The following AGO4 variants were observed in gnomAD, a reference collection of about 807,000 sequenced individuals.
The protein encoded by AGO4 is argonaute RISC component 4, also known as protein argonaute-4.
A neutral mutation model predicts 104.7 loss-of-function variants in AGO4; 33 were observed. That is an observed-to-expected ratio of 0.32 (90% CI 0.24 to 0.42). The LOEUF is 0.42. Ranked by LOEUF, AGO4 falls within the 10% of genes least tolerant of loss-of-function variation. AGO4 has a pLI of 1.00. For missense variants in AGO4, 711 were observed against 1,083.4 expected (o/e 0.66, Z 4.83); for synonymous variants, 331 against 364.7 (o/e 0.91, Z 1.05).
At position 35,853,670 on chromosome 1, in the gene AGO4, T is replaced by A; in HGVS notation, c.*65T>A. The A allele has an allele frequency of 7.1e-7, 1 of 1,409,916 alleles. No individual in the cohort carries two copies. The highest frequency in any genetic ancestry group is 1.0e-6 in the Non-Finnish European group (1 of 1,003,478). The allele number at this position is 1,409,916 out of a possible 1,614,324, so 87.3% of individuals were successfully genotyped here. On this transcript the variant is annotated 3_prime_UTR_variant, in exon 18 of 18. Coordinates refer to ENST00000373210, the MANE Select transcript of AGO4 (RefSeq NM_017629.4). Reference sequence around the variant, plus strand: ...GCAGCCTCAAAATGTTTCAAATGCCTACCGCCTCTAGATCGAGCCACGTTG... The same window carrying A: ...GCAGCCTCAAAATGTTTCAAATGCCAACCGCCTCTAGATCGAGCCACGTTG...
At chr1:35,807,742 A>T (rs1400066251), upstream of AGO4, among the ~76,000 whole-genome samples, 1 of 152,142 alleles carries the variant, frequency 6.6e-6, no homozygotes, top group Non-Finnish European at 1.5e-5. Context: ...AAAAGACGAG[A>T]TGACAGAAGC....
Position 35,841,962 on chromosome 1 carries a change from G to A in AGO4, c.2175+212G>A, listed in dbSNP as rs566743214. Among the ~76,000 whole-genome samples the A allele has an allele frequency of 2.6e-5, 4 of 151,874 alleles. No individual in the cohort carries two copies. In the East Asian group the frequency reaches 5.8e-4, roughly 22 times the overall value. On this transcript the variant is annotated intron_variant, in intron 15 of 17. Transcript: ENST00000373210. This position sits in a 1 kb window ranked among gnomAD's most constrained non-coding sequence, Gnocchi z 4.7. ...TGAGACTGAATATTTTATTTCTCTT[G>A]TATAACAGAAATGCTGATTTCTCGA...
chr1:35,837,140 T>A (rs1191898865), intron 13 of AGO4, among the ~76,000 whole-genome samples: 1 of 152,166 alleles, frequency 6.6e-6, no homozygotes, highest in African/African-American at 2.4e-5. Context: ...TGGAGTGCAA[T>A]GGCATGATCT....
intron 2 of AGO4, among the ~76,000 whole-genome samples, chr1:35,822,342 G>A (rs535213885): frequency 2.6e-5 from 4 of 151,984 alleles, no homozygotes; most frequent in Admixed American, 1.3e-4. Flanking sequence ...CACAACCTCC[G>A]CTTCCCAGGT....
intron 6 of AGO4, 21 bp downstream of exon 6, chr1:35,826,081 A>G: frequency 1.2e-6 from 2 of 1,612,628 alleles, no homozygotes; most frequent in Non-Finnish European, 1.7e-6. Flanking sequence ...GCATTAATGT[A>G]GTCTTGGAGA....
At chr1:35,850,794 A>AC (rs1222303702) in intron 16 of AGO4, 60 bp from the exon 17 acceptor site, 910 of 1,100,654 alleles carry the variant, frequency 8.3e-4, no homozygotes, top group East Asian at 4.9e-3. Context: ...AAAAAAAAAA[A>AC]AAAAACAAAA....
intron 1 of AGO4, among the ~76,000 whole-genome samples, chr1:35,809,432 A>T (rs962724924): frequency 6.6e-6 from 1 of 152,208 alleles, no homozygotes; most frequent in Non-Finnish European, 1.5e-5. Flanking sequence ...TAGTGCGTAG[A>T]AAATTCGAGT....
intron 15 of AGO4, among the ~76,000 whole-genome samples, chr1:35,849,708 A>G (rs1407377406): frequency 1.3e-5 from 2 of 150,468 alleles, no homozygotes; most frequent in African/African-American, 2.4e-5. Context: ...AAAAAAAAGT[A>G]CTAGTTATGT....
intron 17 of AGO4, among the ~76,000 whole-genome samples, chr1:35,853,049 G>A (rs1359506257): frequency 6.6e-6 from 1 of 152,136 alleles, no homozygotes; most frequent in African/African-American, 2.4e-5. Flanking sequence ...AGGAGATCGA[G>A]ACCATCCTGG....
intron 1 of AGO4, among the ~76,000 whole-genome samples, chr1:35,812,601 CT>C (rs903535177): frequency 5.3e-5 from 8 of 150,554 alleles, no homozygotes; most frequent in Admixed American, 4.7e-4. Context: ...CATTTTTTTT[CT>C]TTTTTTTTAA....
In AGO4 at chr1:35,816,812, A is replaced by G. The variant is rs532728652; in HGVS notation, c.20-70A>G. The G allele has an allele frequency of 5.3e-5, 73 of 1,373,102 alleles. No individual in the cohort carries two copies. The South Asian group carries it at 7.4e-4, about 14-fold the overall frequency. The allele number at this position is 1,373,102 out of a possible 1,614,324, so 85.1% of individuals were successfully genotyped here. On this transcript the variant is annotated intron_variant, in intron 1 of 17. Coordinates refer to ENST00000373210, the MANE Select transcript of AGO4 (RefSeq NM_017629.4). ...AAACTCTGTCTCAAAAAAAAAAAAA[A>G]AAAAAAAAAGAAAGAAAGAAAGAAA...
In AGO4 at chr1:35,853,547, C is replaced by T. The variant is rs201449888; in HGVS notation, c.2528C>T (p.Ala843Val). ...SGQSNGRDPQ[A>V]LAKAVQIHHD... ...CAGAGCAACGGCCGGGATCCTCAGGCCTTGGCTAAGGCTGTGCAAATCCAC... is the reference window on the plus strand; with the variant it reads ...CAGAGCAACGGCCGGGATCCTCAGGTCTTGGCTAAGGCTGTGCAAATCCAC... Residue 843 changes from alanine (A) to valine (V), a missense_variant, in exon 18 of 18, where the codon GCC (alanine) becomes GTC (valine). By Grantham distance (64) the Ala-to-Val change is moderately conservative. Coordinates refer to ENST00000373210, the MANE Select transcript of AGO4 (RefSeq NM_017629.4). 5.6e-6 allele frequency: 9 copies of T among 1,613,908 alleles called. No individual in the cohort carries two copies. The highest frequency in any genetic ancestry group is 7.6e-6 in the Non-Finnish European group (9 of 1,179,932).
intron 1 of AGO4, among the ~76,000 whole-genome samples, chr1:35,813,705 A>G (rs967276971): frequency 5.4e-5 from 8 of 148,360 alleles, no homozygotes; most frequent in African/African-American, 2.0e-4. Flanking sequence ...GCCATGATTG[A>G]CCCACTGCAC....
chr1:35,841,418 C>T lies in AGO4; in HGVS notation c.1978C>T (p.Arg660Cys), dbSNP rs140974452. The T allele has an allele frequency of 1.4e-5, 23 of 1,614,040 alleles. No individual in the cohort carries two copies. Among genetic ancestry groups the T allele is most frequent in the Non-Finnish European group, 1.8e-5 (21 of 1,180,028 alleles). Reference sequence around the variant, plus strand: ...GCTGATTCAGTTCTACAAATCCACACGCTTCAAACCCACTCGGATCATCTA... The same window carrying T: ...GCTGATTCAGTTCTACAAATCCACATGCTTCAAACCCACTCGGATCATCTA... The part of the protein sequence containing the change: ...ELLIQFYKST[R>C]FKPTRIIYYR... The change falls in exon 14 of 18, where the codon CGC becomes TGC. Residue 660 changes from arginine (R) to cysteine (C), a missense_variant. Physicochemically the swap from Arg to Cys is radical, Grantham distance 180. Around this residue, in one of 3 missense-constraint regions of AGO4, gnomAD observed 401 missense variants for 665.5 expected, o/e 0.60. Coordinates refer to ENST00000373210, the MANE Select transcript of AGO4 (RefSeq NM_017629.4). This position sits in a 1 kb window ranked among gnomAD's most constrained non-coding sequence, Gnocchi z 4.7.
rs1048721224 is a variant in AGO4, at chr1:35,841,896, G to A, written c.2175+146G>A. ...AGAAATGCCTGATAATAATTTAACT[G>A]CAGTTGGGTTTAGATGACCAATTCT... On this transcript the variant is annotated intron_variant, in intron 15 of 17. Transcript: ENST00000373210. The surrounding 1 kb of genome is among the most constrained non-coding windows in gnomAD (Gnocchi z 4.7). 2 of 469,698 alleles carry A rather than the reference G, an allele frequency of 4.3e-6. No homozygotes were observed. The highest frequency in any genetic ancestry group is 4.9e-5 in the Admixed American group (1 of 20,570). The allele number at this position is 469,698 out of a possible 1,614,324, so 29.1% of individuals were successfully genotyped here.
chr1:35,819,732 C>CAAAAAAA, intron 2 of AGO4, among the ~76,000 whole-genome samples: 1 of 107,366 alleles, frequency 9.3e-6, no homozygotes, highest in Non-Finnish European at 1.8e-5. Context: ...GACTCTGTCT[C>CAAAAAAA]AAAAAAAAAA....
In AGO4 at chr1:35,823,799, G is replaced by C. The variant is rs369796784; in HGVS notation, c.306+817G>C. Among the ~76,000 whole-genome samples the C allele has an allele frequency of 2.0e-5, 3 of 148,866 alleles. No homozygotes were observed. In the East Asian group the frequency reaches 6.1e-4, roughly 30 times the overall value. The stretch of plus-strand genomic sequence containing the variant: ...GGGTTTCACCATGTTGGACAGGCTG[G>C]TGTCAAACTCCTGACCCCAGGTGAT... On this transcript the variant is annotated intron_variant, in intron 3 of 17. Transcript: ENST00000373210.
chr1:35,810,917 C>T lies in AGO4; in HGVS notation c.19+2482C>T, dbSNP rs185742748. 1.4e-3 allele frequency among the ~76,000 whole-genome samples: 213 copies of T among 150,290 alleles called. 2 individuals are homozygous for T. Among genetic ancestry groups the T allele is most frequent in the African/African-American group, 5.0e-3 (206 of 40,882 alleles). ...GAGGTTGAGGTGGGCGGATCATTTG[C>T]GGCCAGGAGTTCGAGACCAGCCTGG... On this transcript the variant is annotated intron_variant, in intron 1 of 17. Coordinates refer to ENST00000373210, the MANE Select transcript of AGO4 (RefSeq NM_017629.4).
intron 6 of AGO4, 51 bp downstream of exon 6, chr1:35,826,111 C>CA (rs748682202): frequency 1.2e-6 from 2 of 1,601,010 alleles, no homozygotes; most frequent in East Asian, 4.5e-5. Context: ...GCATGCTGCA[C>CA]GTTGCCTGTG....
Sources: gnomAD v4.1 joint callset for allele counts (sites outside exome capture counted in the v4.1 genomes callset) on GRCh38, gnomAD v4.1.1 for gene constraint, gnomAD v4.1.1 regional missense constraint, Gnocchi (gnomAD v3.1) non-coding constraint, MANE v1.5 for transcripts, NCBI Gene and HGNC (gene_info 2026-07-23, HGNC 2026-07-21) for gene names.